The following NTN1 variants were observed in gnomAD, a reference collection of about 807,000 sequenced individuals.
NTN1 encodes the protein netrin 1.
A neutral mutation model predicts 54.2 loss-of-function variants in NTN1; 11 were observed. The observed-to-expected ratio is 0.20, with a 90% CI of 0.13 to 0.34. The LOEUF is 0.34. Ranked by LOEUF, NTN1 falls within the 10% of genes least tolerant of loss-of-function variation. The pLI is 1.00. For missense variants in NTN1, 740 were observed against 893.1 expected (o/e 0.83, Z 2.18); for synonymous variants, 371 against 382.0 (o/e 0.97, Z 0.33).
At chr17:9,086,452 A>G (rs1365470340) in intron 2 of NTN1, among the ~76,000 whole-genome samples, 3 of 152,202 alleles carry the variant, frequency 2.0e-5, no homozygotes, top group Admixed American at 6.5e-5. Flanking sequence ...GGAGAGAACC[A>G]TAGGGTTCCT....
intron 5 of NTN1, among the ~76,000 whole-genome samples, chr17:9,195,452 G>A (rs190334516): frequency 1.9e-4 from 29 of 152,308 alleles, no homozygotes; most frequent in Admixed American, 1.7e-3. Flanking sequence ...ACAAGTGACA[G>A]GTGTCAGGGA....
At chr17:9,031,389 C>T (rs1195710435) in intron 2 of NTN1, among the ~76,000 whole-genome samples, 2 of 152,188 alleles carry the variant, frequency 1.3e-5, no homozygotes, top group Admixed American at 6.5e-5. Flanking sequence ...ACCACTCCCG[C>T]ATTCTAAAAC....
chr17:9,229,692 G>T, intron 6 of NTN1, among the ~76,000 whole-genome samples: 1 of 152,166 alleles, frequency 6.6e-6, no homozygotes, highest in East Asian at 1.9e-4. Flanking sequence ...AGATGATGGA[G>T]CAGAGGCACT....
Position 9,070,588 on chromosome 17 carries a change from G to A in NTN1, c.1018+47197G>A, listed in dbSNP as rs537806063. 2.7e-4 allele frequency among the ~76,000 whole-genome samples: 41 copies of A among 152,102 alleles called. 1 individual carries two copies. Among genetic ancestry groups the A allele is most frequent in the African/African-American group, 9.9e-4 (41 of 41,508 alleles). On this transcript the variant is annotated intron_variant, in intron 2 of 6. Coordinates refer to ENST00000173229, the MANE Select transcript of NTN1 (RefSeq NM_004822.3). ...TCATCTAAGCTGCCACTGGTTTGGA[G>A]CTCACATTTTTATTTTTTTTGAGAC... is the stretch of plus-strand genomic sequence containing the variant.
intron 2 of NTN1, among the ~76,000 whole-genome samples, chr17:9,042,138 C>T (rs2091924186): frequency 6.6e-6 from 1 of 152,144 alleles, no homozygotes; most frequent in African/African-American, 2.4e-5. Context: ...CTAGTTTCTC[C>T]ATACCCTTGA....
At chr17:9,183,382 C>T (rs1403932476) in intron 5 of NTN1, 5 of 480,778 alleles carry the variant, frequency 1.0e-5, no homozygotes, top group Admixed American at 4.9e-5. Flanking sequence ...ATGCAGGGGG[C>T]CCAGGAGCTG....
At chr17:9,106,291 T>G (rs2092165720) in intron 2 of NTN1, among the ~76,000 whole-genome samples, 1 of 152,150 alleles carries the variant, frequency 6.6e-6, no homozygotes, top group South Asian at 2.1e-4. Flanking sequence ...TCTGGTTGTG[T>G]TTTGTATCTT....
At chr17:9,192,602 G>A (rs545279121) in intron 5 of NTN1, among the ~76,000 whole-genome samples, 8 of 152,272 alleles carry the variant, frequency 5.3e-5, no homozygotes, top group African/African-American at 1.9e-4. Flanking sequence ...GACAGCTCAC[G>A]CAACAGAGAA....
intron 2 of NTN1, among the ~76,000 whole-genome samples, chr17:9,025,834 G>T (rs1180158517): frequency 1.3e-5 from 2 of 152,184 alleles, no homozygotes. Context: ...CAGGTGTTCT[G>T]AGATACTAAA....
At chr17:9,203,510 G>A (rs543060134) in intron 5 of NTN1, among the ~76,000 whole-genome samples, 30 of 152,212 alleles carry the variant, frequency 2.0e-4, no homozygotes, top group African/African-American at 7.2e-4. Flanking sequence ...ATCAAGAACT[G>A]AGGACTGGTT....
chr17:9,241,045 G>C lies in NTN1; in HGVS notation c.*1077G>C, dbSNP rs988277487. 6.6e-6 allele frequency: 1 copy of C among 152,298 alleles called. No homozygotes were observed. The highest frequency in any genetic ancestry group is 1.5e-5 in the Non-Finnish European group (1 of 68,116). 9.4% of individuals were successfully genotyped at this position (152,298 alleles called of 1,614,324 possible). A position where few individuals can be genotyped will look rare whatever the true frequency, so the allele number is the denominator to read the frequency against. On this transcript the variant is annotated 3_prime_UTR_variant, in exon 7 of 7. Transcript: ENST00000173229. ...GTCAACAGCTGGAAAGGGCCTGAACGGGCTTGGAGTCTGCAGGCTGCGAAG... is the reference window on the plus strand; with the variant it reads ...GTCAACAGCTGGAAAGGGCCTGAACCGGCTTGGAGTCTGCAGGCTGCGAAG...
chr17:9,136,029 C>T (rs561607497), intron 2 of NTN1, among the ~76,000 whole-genome samples: 271 of 152,340 alleles, frequency 1.8e-3, no homozygotes, highest in African/African-American at 5.6e-3. Flanking sequence ...CCCATTTCCT[C>T]GTGTCCCCCT....
chr17:9,183,915 G>A (rs1246005217), intron 5 of NTN1, among the ~76,000 whole-genome samples: 1 of 152,156 alleles, frequency 6.6e-6, no homozygotes, highest in Non-Finnish European at 1.5e-5. Context: ...CCAGAGTCCT[G>A]GTCCTGGGAT....
At chr17:9,122,286 G>A (rs879880610) in intron 2 of NTN1, among the ~76,000 whole-genome samples, 5 of 151,980 alleles carry the variant, frequency 3.3e-5, no homozygotes, top group African/African-American at 7.3e-5. Context: ...CGCCCGCCTC[G>A]GCCTCCCAAA....
At chr17:9,145,896 G>A (rs1291448300) in intron 2 of NTN1, among the ~76,000 whole-genome samples, 15 of 134,316 alleles carry the variant, frequency 1.1e-4, no homozygotes, top group Admixed American at 6.7e-4. Context: ...CAGCCTGGGC[G>A]ACAGAGCAAG....
In NTN1 at chr17:9,215,991, T is replaced by C. The variant is rs138432648; in HGVS notation, c.1412-5177T>C. Among the ~76,000 whole-genome samples the C allele has an allele frequency of 2.6e-4, 39 of 152,362 alleles. 1 individual carries two copies. In the East Asian group the frequency reaches 6.4e-3, roughly 25 times the overall value. ...TTATTTATTTTTAGAGACAGGGTTT[T>C]ACTCTGTCACTCAGGCTAAAGTGCA... On this transcript the variant is annotated intron_variant, in intron 5 of 6. Transcript: ENST00000173229.
intron 2 of NTN1, among the ~76,000 whole-genome samples, chr17:9,103,195 C>T (rs1300610257): frequency 6.6e-6 from 1 of 152,178 alleles, no homozygotes; most frequent in African/African-American, 2.4e-5. Context: ...AAAGCACGGA[C>T]TGGAACAGAT....
At chr17:9,053,969 C>T (rs994928634) in intron 2 of NTN1, among the ~76,000 whole-genome samples, 3 of 152,154 alleles carry the variant, frequency 2.0e-5, no homozygotes, top group Non-Finnish European at 4.4e-5. Flanking sequence ...TGCTTGAGTG[C>T]CTTGGGCTAC....
intron 2 of NTN1, among the ~76,000 whole-genome samples, chr17:9,136,978 A>T (rs538983104): frequency 6.6e-6 from 1 of 152,296 alleles, no homozygotes; most frequent in East Asian, 1.9e-4. Context: ...GTTGAGAAAA[A>T]TACAGAAGTT....
Sources: gnomAD v4.1 joint callset for allele counts (sites outside exome capture counted in the v4.1 genomes callset) on GRCh38, gnomAD v4.1.1 for gene constraint, MANE v1.5 for transcripts, NCBI Gene and HGNC (gene_info 2026-07-23, HGNC 2026-07-21) for gene names.